LINGO2: variants seen among roughly 807,000 people sequenced by gnomAD.
LINGO2 encodes leucine-rich repeat and immunoglobulin-like domain-containing nogo receptor-interacting protein 2.
A neutral mutation model predicts 30.6 loss-of-function variants in LINGO2; 14 were observed. That is an observed-to-expected ratio of 0.46 (90% CI 0.30 to 0.72). The LOEUF is 0.72. LINGO2 is among the 30% of genes least tolerant of loss of function. The pLI, the probability that LINGO2 is intolerant of heterozygous loss-of-function variation, is 0.07. For missense variants in LINGO2, 729 were observed against 751.7 expected (o/e 0.97, Z 0.35); for synonymous variants, 317 against 288.5 (o/e 1.10, Z -1.00).
the LINGO2 span, among the ~76,000 whole-genome samples, chr9:28,832,172 A>T: frequency 6.6e-6 from 1 of 152,234 alleles, no homozygotes; most frequent in African/African-American, 2.4e-5. Flanking sequence ...GTAAATTAAT[A>T]TCAATAAAGA....
At position 28,608,654 on chromosome 9, in the gene LINGO2, T is replaced by C. The variant is rs1442664518; in HGVS notation, c.-365+61546A>G. Among the ~76,000 whole-genome samples the C allele has an allele frequency of 3.3e-5, 5 of 151,982 alleles. No homozygotes were observed. In the East Asian group the frequency reaches 5.8e-4, roughly 18 times the overall value. On this transcript the variant is annotated intron_variant, in intron 1 of 5. Transcript: ENST00000379992. ...TAGATTAAAAGATCTAGTATTATTGTAGGGTAGGTCTTTTCCAAAATGAAA... is the reference window on the plus strand; with the variant it reads ...TAGATTAAAAGATCTAGTATTATTGCAGGGTAGGTCTTTTCCAAAATGAAA...
rs112218662 is a variant in LINGO2 at position 28,377,408 on chromosome 9, A to T, written c.-278-4540T>A. 1.7e-3 allele frequency among the ~76,000 whole-genome samples: 265 copies of T among 152,344 alleles called. 3 individuals carry two copies. Among genetic ancestry groups the T allele is most frequent in the African/African-American group, 5.6e-3 (232 of 41,580 alleles). On this transcript the variant is annotated intron_variant, in intron 2 of 5. Transcript: ENST00000379992. ...GCAGTTTATTTTATTATAAAAATAC[A>T]GCATACAATACATATAATATACAAA...
chr9:28,464,889 T>C (rs1587709967), intron 2 of LINGO2, among the ~76,000 whole-genome samples: 1 of 152,166 alleles, frequency 6.6e-6, no homozygotes, highest in African/African-American at 2.4e-5. Context: ...ATAGTTCCCC[T>C]GACCAGTTTG....
At chr9:28,837,546 C>G in the LINGO2 span, among the ~76,000 whole-genome samples, 1 of 149,886 alleles carries the variant, frequency 6.7e-6, no homozygotes, top group Non-Finnish European at 1.5e-5. Flanking sequence ...ACTTGGGAGG[C>G]TGAGGCAGGA....
intron 2 of LINGO2, among the ~76,000 whole-genome samples, chr9:28,419,814 C>T (rs1286697095): frequency 4.0e-5 from 6 of 150,586 alleles, no homozygotes; most frequent in Non-Finnish European, 7.4e-5. Flanking sequence ...ATAATTTTAT[C>T]GGTAAATATA....
intron 4 of LINGO2, among the ~76,000 whole-genome samples, chr9:28,053,344 A>G (rs567413783): frequency 6.6e-6 from 1 of 152,178 alleles, no homozygotes; most frequent in African/African-American, 2.4e-5. Flanking sequence ...CAAGGGAGAG[A>G]GTCGTAAGAG....
At chr9:28,988,246 C>A in the LINGO2 span, among the ~76,000 whole-genome samples, 1 of 152,130 alleles carries the variant, frequency 6.6e-6, no homozygotes, top group Non-Finnish European at 1.5e-5. Context: ...AATTGTTATA[C>A]TTTCCTGATT....
intron 4 of LINGO2, among the ~76,000 whole-genome samples, chr9:28,216,428 A>G (rs1418320834): frequency 1.3e-5 from 2 of 151,934 alleles, no homozygotes; most frequent in African/African-American, 2.4e-5. Context: ...ATGAAGAAAG[A>G]GTAGAAAAAA....
intron 4 of LINGO2, among the ~76,000 whole-genome samples, chr9:28,167,508 G>A (rs1828464855): frequency 6.6e-6 from 1 of 152,166 alleles, no homozygotes. Context: ...AACCTCCTGA[G>A]TAGCTGTGAT....
chr9:28,028,855 G>C (rs541195640), intron 4 of LINGO2, among the ~76,000 whole-genome samples: 1 of 152,030 alleles, frequency 6.6e-6, no homozygotes, highest in South Asian at 2.1e-4. Flanking sequence ...ATATATATAA[G>C]TATACAGACA....
chr9:28,845,532 A>G, the LINGO2 span, among the ~76,000 whole-genome samples: 1 of 151,902 alleles, frequency 6.6e-6, no homozygotes, highest in Non-Finnish European at 1.5e-5. Flanking sequence ...ATTGTAGCCA[A>G]TAGTTCCAAT....
chr9:28,813,206 G>GC, the LINGO2 span, among the ~76,000 whole-genome samples: 187 of 151,634 alleles, frequency 1.2e-3, 1 homozygote, highest in South Asian at 8.0e-3. Context: ...CAGTAGCCCA[G>GC]CCCCCCCCAA....
At chr9:29,011,034 T>C in the LINGO2 span, among the ~76,000 whole-genome samples, 3 of 152,198 alleles carry the variant, frequency 2.0e-5, no homozygotes, top group South Asian at 2.1e-4. Flanking sequence ...ATCTGTAGAA[T>C]GGGAACAACA....
chr9:28,550,094 G>A (rs1381946360), intron 1 of LINGO2, among the ~76,000 whole-genome samples: 1 of 151,586 alleles, frequency 6.6e-6, no homozygotes, highest in Non-Finnish European at 1.5e-5. Flanking sequence ...GTCTAAATTT[G>A]GATTTATTCC....
At chr9:29,062,766 G>T in the LINGO2 span, among the ~76,000 whole-genome samples, 2 of 147,558 alleles carry the variant, frequency 1.4e-5, no homozygotes, top group South Asian at 4.4e-4. Context: ...AGTGATGATG[G>T]TTGCATAAAA....
the LINGO2 span, among the ~76,000 whole-genome samples, chr9:28,806,824 T>A: frequency 4.6e-5 from 7 of 152,154 alleles, no homozygotes; most frequent in Admixed American, 6.6e-5. Flanking sequence ...TTGGCTAGCC[T>A]CCTGTAAAGT....
At chr9:29,058,071 C>T in the LINGO2 span, among the ~76,000 whole-genome samples, 1 of 152,040 alleles carries the variant, frequency 6.6e-6, no homozygotes, top group Non-Finnish European at 1.5e-5. Flanking sequence ...AAATTTACTA[C>T]ACATTTAAAA....
intron 5 of LINGO2, among the ~76,000 whole-genome samples, chr9:27,991,895 T>A (rs1315182978): frequency 3.3e-5 from 5 of 152,190 alleles, no homozygotes; most frequent in African/African-American, 1.2e-4. Context: ...TTCCATTTTT[T>A]AAAAAATGTG....
chr9:28,996,898 C>G, the LINGO2 span, among the ~76,000 whole-genome samples: 3 of 152,060 alleles, frequency 2.0e-5, no homozygotes, highest in Non-Finnish European at 4.4e-5. Context: ...ATCTTAAAAT[C>G]TAAGTTTACT....
Sources: gnomAD v4.1 joint callset for allele counts (sites outside exome capture counted in the v4.1 genomes callset) on GRCh38, gnomAD v4.1.1 for gene constraint, MANE v1.5 for transcripts, NCBI Gene and HGNC (gene_info 2026-07-23, HGNC 2026-07-21) for gene names.